The following EYS variants were observed in gnomAD, a reference collection of about 807,000 sequenced individuals.
EYS encodes EGF-like photoreceptor maintenance factor, also known as protein eyes shut homolog.
Under a neutral mutation model 282.1 loss-of-function variants are expected in EYS, and 250 were observed. The observed-to-expected ratio is 0.89, with a 90% confidence interval of 0.80 to 0.98. The LOEUF is 0.98. Among genes scored for constraint, EYS ranks in the 50% least tolerant of loss-of-function variants. The probability of loss-of-function intolerance (pLI) is 0.00; values close to 1 mark genes in which losing one functional copy is unlikely to be tolerated. For missense variants in EYS, 4,016 were observed against 3,709.0 expected, an observed-to-expected ratio of 1.08 and a Z score of -2.15; for synonymous variants, 1,355 against 1,282.9, an observed-to-expected ratio of 1.06 and a Z score of -1.20.
intron 14 of EYS, among the ~76,000 whole-genome samples, chr6:64,987,285 C>T (rs1044967481): frequency 3.3e-5 from 5 of 151,328 alleles, no homozygotes; most frequent in Non-Finnish European, 5.9e-5. Flanking sequence ...CAGAATGCTG[C>T]GTATAAAATG....
chr6:64,514,043 A>C (rs1414435464), intron 26 of EYS, among the ~76,000 whole-genome samples: 3 of 151,758 alleles, frequency 2.0e-5, no homozygotes, highest in Non-Finnish European at 4.4e-5. Flanking sequence ...ATGCCTTTTA[A>C]TATATCCTTC....
intron 12 of EYS, among the ~76,000 whole-genome samples, chr6:65,285,938 T>A (rs1448517276): frequency 6.6e-6 from 1 of 151,922 alleles, no homozygotes; most frequent in East Asian, 1.9e-4. Context: ...GGTAGTTCAC[T>A]GATTATTTTG....
At chr6:63,970,151 C>T (rs1290292348) in intron 35 of EYS, among the ~76,000 whole-genome samples, 1 of 152,202 alleles carries the variant, frequency 6.6e-6, no homozygotes, top group Non-Finnish European at 1.5e-5. Context: ...GACTCCAGGG[C>T]CCTGACACCT....
chr6:65,099,861 C>T (rs1774845160), intron 12 of EYS, among the ~76,000 whole-genome samples: 1 of 150,552 alleles, frequency 6.6e-6, no homozygotes, highest in Admixed American at 6.6e-5. Flanking sequence ...AGGCAAAAGA[C>T]AAGAGATGAT....
At chr6:64,495,063 C>T (rs1274799562) in intron 26 of EYS, among the ~76,000 whole-genome samples, 1 of 151,546 alleles carries the variant, frequency 6.6e-6, no homozygotes, top group Non-Finnish European at 1.5e-5. Flanking sequence ...TGTAAGGTAG[C>T]AGAAGTAGCC....
At chr6:65,491,751 C>T (rs1766053084) in intron 4 of EYS, among the ~76,000 whole-genome samples, 2 of 152,108 alleles carry the variant, frequency 1.3e-5, no homozygotes, top group South Asian at 2.1e-4. Context: ...CCACCCACCG[C>T]CGCCAAATTC....
At chr6:65,204,812 C>T (rs988736757) in intron 12 of EYS, among the ~76,000 whole-genome samples, 18 of 150,224 alleles carry the variant, frequency 1.2e-4, no homozygotes, top group Admixed American at 4.7e-4. Context: ...TCTGGAAGAA[C>T]ATATTTATAT....
intron 29 of EYS, among the ~76,000 whole-genome samples, chr6:64,324,372 A>C (rs1770332152): frequency 6.6e-6 from 1 of 152,228 alleles, no homozygotes; most frequent in Admixed American, 6.6e-5. Context: ...ACAGAATTAA[A>C]AGCAAAAATC....
intron 35 of EYS, among the ~76,000 whole-genome samples, chr6:63,903,147 G>A (rs72872853): frequency 1.4e-3 from 211 of 152,276 alleles, no homozygotes; most frequent in Middle Eastern, 3.4e-3. Context: ...TGTAGGTGCA[G>A]TGGAGGAGAA....
At chr6:63,741,195 A>G (rs983541874) in intron 41 of EYS, among the ~76,000 whole-genome samples, 7 of 152,224 alleles carry the variant, frequency 4.6e-5, no homozygotes, top group Admixed American at 1.3e-4. Context: ...AAATTACACA[A>G]ACTTCACTCA....
intron 35 of EYS, among the ~76,000 whole-genome samples, chr6:63,944,185 A>G (rs1765322411): frequency 1.3e-5 from 2 of 152,204 alleles, no homozygotes; most frequent in South Asian, 4.1e-4. Context: ...ATCCTGGCTA[A>G]TTCAACAAAT....
chr6:65,329,251 A>G, intron 11 of EYS: 2 of 612,484 alleles, frequency 3.3e-6, no homozygotes, highest in Non-Finnish European at 4.1e-6. Context: ...GTTAAATTTC[A>G]ACCCATATGA....
intron 12 of EYS, among the ~76,000 whole-genome samples, chr6:65,224,072 C>T (rs755496059): frequency 2.6e-5 from 4 of 152,172 alleles, no homozygotes; most frequent in Non-Finnish European, 4.4e-5. Flanking sequence ...CCAGACCTAA[C>T]AGACATGCAC....
At chr6:64,700,696 A>T (rs1770754359) in intron 22 of EYS, among the ~76,000 whole-genome samples, 1 of 152,032 alleles carries the variant, frequency 6.6e-6, no homozygotes, top group Admixed American at 6.6e-5. Context: ...AAGGAAAATT[A>T]CATTACACTG....
intron 31 of EYS, among the ~76,000 whole-genome samples, chr6:64,126,050 A>G (rs1238128345): frequency 6.6e-6 from 1 of 151,936 alleles, no homozygotes; most frequent in Non-Finnish European, 1.5e-5. Flanking sequence ...ACACTTTTAC[A>G]CTGTTGGTGG....
intron 12 of EYS, among the ~76,000 whole-genome samples, chr6:65,260,070 C>T (rs187869406): frequency 6.8e-4 from 104 of 152,046 alleles, no homozygotes; most frequent in Admixed American, 1.9e-3. Flanking sequence ...CTGAGGAGGC[C>T]TCAGGAAACT....
At chr6:65,472,503 TG>T (rs1765252651) in intron 5 of EYS, among the ~76,000 whole-genome samples, 2 of 152,110 alleles carry the variant, frequency 1.3e-5, no homozygotes, top group African/African-American at 4.8e-5. Context: ...GATGAGCTTT[TG>T]AATAACATGC....
intron 22 of EYS, among the ~76,000 whole-genome samples, chr6:64,769,563 A>G (rs974344230): frequency 6.6e-6 from 1 of 152,094 alleles, no homozygotes; most frequent in Non-Finnish European, 1.5e-5. Flanking sequence ...CCACCTGTGT[A>G]ATAGCCAATT....
chr6:64,010,400 G>T (rs553798465), intron 33 of EYS, among the ~76,000 whole-genome samples: 78 of 151,126 alleles, frequency 5.2e-4, no homozygotes, highest in Non-Finnish European at 9.2e-4. Context: ...GGTTGGGGGG[G>T]GGGGTGGTGG....
Sources: allele counts gnomAD v4.1 joint callset (sites outside exome capture counted in the v4.1 genomes callset), GRCh38; gene constraint gnomAD v4.1.1; transcripts MANE v1.5; gene names NCBI Gene and HGNC (gene_info 2026-07-23, HGNC 2026-07-21).